The following TMIGD3 variants were observed in gnomAD, a reference collection of about 807,000 sequenced individuals.
TMIGD3 encodes the protein transmembrane and immunoglobulin domain containing 3.
Under a neutral mutation model 28.1 loss-of-function variants are expected in TMIGD3, and 21 were observed. The ratio of observed to expected loss-of-function variants is 0.75; its 90% CI spans 0.53 to 1.08. The LOEUF (loss-of-function observed/expected upper bound fraction) is 1.08. Among genes scored for constraint, TMIGD3 ranks in the 50% least tolerant of loss-of-function variants. TMIGD3 has a pLI of 0.00. For missense variants in TMIGD3, 416 were observed against 435.6 expected (o/e 0.96, Z 0.40); for synonymous variants, 151 against 162.1 (o/e 0.93, Z 0.52).
At chr1:111,503,952 C>T (rs1655384570), upstream of TMIGD3, 2 of 985,288 alleles carry the variant, frequency 2.0e-6, no homozygotes, top group African/African-American at 3.5e-5. Context: ...ATCTTTCTGC[C>T]AGCTTAGCAA....
chr1:111,504,759 T>C, upstream of TMIGD3: 1 of 597,680 alleles, frequency 1.7e-6, no homozygotes, highest in African/African-American at 2.0e-5. Flanking sequence ...TGCCTGGGGC[T>C]CATCAGGGTC....
At chr1:111,483,871 C>T in intron 5 of TMIGD3, 114 bp from the exon 6 acceptor site, 1 of 772,740 alleles carries the variant, frequency 1.3e-6, no homozygotes, top group East Asian at 2.7e-5. Context: ...GGGGACTAAA[C>T]ACAAGTTTAT....
At chr1:111,502,855 A>G in intron 1 of TMIGD3, 150 bp downstream of exon 1, 1 of 995,280 alleles carries the variant, frequency 1.0e-6, no homozygotes, top group South Asian at 1.7e-5. Context: ...TAACCCCCTC[A>G]CAGACCATAT....
chr1:111,516,903 C>A (rs539996503), intron 1 of TMIGD3, among the ~76,000 whole-genome samples: 38 of 152,168 alleles, frequency 2.5e-4, no homozygotes, highest in Non-Finnish European at 4.7e-4. Flanking sequence ...ATAAATCAGA[C>A]CTTCTGGCTT....
chr1:111,538,820 C>A (rs1313275687), intron 1 of TMIGD3, among the ~76,000 whole-genome samples: 2 of 152,154 alleles, frequency 1.3e-5, no homozygotes, highest in African/African-American at 2.4e-5. Context: ...TGCCCAGTGG[C>A]CTTTGGAATG....
At chr1:111,534,809 A>G (rs1248892530) in intron 1 of TMIGD3, among the ~76,000 whole-genome samples, 2 of 152,094 alleles carry the variant, frequency 1.3e-5, no homozygotes, top group Non-Finnish European at 2.9e-5. Context: ...GTGTGGACTC[A>G]ATGCTGACTT....
chr1:111,534,913 A>C (rs1656589697), intron 1 of TMIGD3, among the ~76,000 whole-genome samples: 1 of 152,212 alleles, frequency 6.6e-6, no homozygotes, highest in African/African-American at 2.4e-5. Context: ...AACAGTTAAG[A>C]GCTGTATTCC....
At chr1:111,521,907 T>C (rs1177174150) in intron 1 of TMIGD3, among the ~76,000 whole-genome samples, 12 of 152,226 alleles carry the variant, frequency 7.9e-5, no homozygotes, top group Admixed American at 7.2e-4. Flanking sequence ...TTCAAGTCAA[T>C]ATTACATTTC....
chr1:111,494,579 A>G (rs1002504149), intron 1 of TMIGD3, among the ~76,000 whole-genome samples: 26 of 152,254 alleles, frequency 1.7e-4, no homozygotes, highest in African/African-American at 6.0e-4. Context: ...GGAAGAATCA[A>G]TATCATTAAA....
chr1:111,557,558 A>C (rs79302430), intron 1 of TMIGD3, among the ~76,000 whole-genome samples: 15,953 of 151,798 alleles, frequency 0.11, 2,121 homozygotes, highest in African/African-American at 0.31. Context: ...AAAAAAAAAA[A>C]CTTACAAAAA....
At chr1:111,495,926 T>A (rs533939023) in intron 1 of TMIGD3, among the ~76,000 whole-genome samples, 52 of 152,210 alleles carry the variant, frequency 3.4e-4, no homozygotes, top group African/African-American at 1.3e-3. Flanking sequence ...ATATTGCATG[T>A]CCTCCCTTAT....
chr1:111,501,146 T>A (rs1197555277), intron 1 of TMIGD3: 1 of 153,182 alleles, frequency 6.5e-6, no homozygotes. Flanking sequence ...TTGGCTGTTG[T>A]GCAGATTCTC....
At chr1:111,486,526 C>G (rs1654381730) in intron 4 of TMIGD3, 60 bp downstream of exon 4, 8 of 1,297,428 alleles carry the variant, frequency 6.2e-6, no homozygotes, top group Middle Eastern at 2.5e-4. Flanking sequence ...TGCTGCCACC[C>G]CAGCCCCTAC....
intron 1 of TMIGD3, among the ~76,000 whole-genome samples, chr1:111,519,084 G>T (rs1471755883): frequency 1.3e-5 from 2 of 152,110 alleles, no homozygotes; most frequent in Non-Finnish European, 1.5e-5. Context: ...GATTACAGGT[G>T]CCTGCCACCA....
At chr1:111,560,205 C>A (rs1194369094) in intron 1 of TMIGD3, among the ~76,000 whole-genome samples, 1 of 152,166 alleles carries the variant, frequency 6.6e-6, no homozygotes, top group Non-Finnish European at 1.5e-5. Context: ...AGACTCCCCA[C>A]CTACATACAA....
chr1:111,500,867 A>T, intron 1 of TMIGD3: 1 of 464,370 alleles, frequency 2.2e-6, no homozygotes, highest in East Asian at 3.1e-5. Flanking sequence ...TACGTGCTCC[A>T]CTCAGGGCTC....
intron 4 of TMIGD3, 27 bp downstream of exon 4, chr1:111,486,559 C>T: frequency 6.3e-7 from 1 of 1,582,090 alleles, no homozygotes; most frequent in Non-Finnish European, 8.7e-7. Flanking sequence ...GCCCCAAGCC[C>T]ATTCATCCGC....
intron 1 of TMIGD3, among the ~76,000 whole-genome samples, chr1:111,550,477 T>G (rs926228873): frequency 1.3e-5 from 2 of 152,194 alleles, no homozygotes; most frequent in Admixed American, 1.3e-4. Context: ...AACTGTAAAT[T>G]TCCCTCTAAG....
intron 1 of TMIGD3, among the ~76,000 whole-genome samples, chr1:111,493,704 C>T (rs1158418716): frequency 6.6e-6 from 1 of 152,170 alleles, no homozygotes; most frequent in African/African-American, 2.4e-5. Flanking sequence ...TCTGATCTTA[C>T]AAATGAAGAA....
Sources: allele counts gnomAD v4.1 joint callset (sites outside exome capture counted in the v4.1 genomes callset), GRCh38; gene constraint gnomAD v4.1.1; transcripts MANE v1.5; gene names NCBI Gene and HGNC (gene_info 2026-07-23, HGNC 2026-07-21).